GPC5: variants seen among roughly 807,000 people sequenced by gnomAD.
GPC5 encodes the protein glypican 5.
A neutral mutation model predicts 53.9 loss-of-function variants in GPC5; 47 were observed. That is an observed-to-expected ratio of 0.87 (90% CI 0.69 to 1.11). GPC5 has a LOEUF of 1.11. GPC5 is among the 50% of genes most tolerant of loss of function. GPC5 has a pLI of 0.00. For synonymous variants in GPC5, 286 were observed against 263.3 expected, an observed-to-expected ratio of 1.09 and a Z score of -0.84; for missense variants, 748 against 713.1, an observed-to-expected ratio of 1.05 and a Z score of -0.56.
chr13:92,763,984 G>A (rs1455559987), intron 7 of GPC5, among the ~76,000 whole-genome samples: 1 of 152,132 alleles, frequency 6.6e-6, no homozygotes, highest in East Asian at 1.9e-4. Context: ...ACTCTCAGTG[G>A]ACTAGCCCCC....
chr13:91,573,359 A>G (rs925788913), intron 2 of GPC5, among the ~76,000 whole-genome samples: 2 of 152,204 alleles, frequency 1.3e-5, no homozygotes, highest in Admixed American at 6.6e-5. Flanking sequence ...CATACATGCA[A>G]CTTGCTGAGA....
intron 7 of GPC5, chr13:92,721,685 G>A (rs1431750585): frequency 6.6e-6 from 1 of 152,002 alleles, no homozygotes; most frequent in Non-Finnish European, 1.5e-5. Context: ...AGGAACAAAA[G>A]GGGTGTGTAT....
At chr13:92,592,230 G>A (rs1029060000) in intron 7 of GPC5, among the ~76,000 whole-genome samples, 2 of 152,150 alleles carry the variant, frequency 1.3e-5, no homozygotes, top group Admixed American at 1.3e-4. Flanking sequence ...AATGGGAAGA[G>A]AAGATGTTCT....
At chr13:92,793,769 A>C (rs773187663) in intron 7 of GPC5, among the ~76,000 whole-genome samples, 1 of 152,192 alleles carries the variant, frequency 6.6e-6, no homozygotes, top group Non-Finnish European at 1.5e-5. Flanking sequence ...TATGTAAATA[A>C]ACTAGAAAAT....
At chr13:92,091,438 A>G (rs1410522648) in intron 6 of GPC5, among the ~76,000 whole-genome samples, 1 of 152,040 alleles carries the variant, frequency 6.6e-6, no homozygotes, top group African/African-American at 2.4e-5. Context: ...TATTCATTTT[A>G]TCAATGATTT....
At chr13:92,781,866 G>A (rs1217864805) in intron 7 of GPC5, among the ~76,000 whole-genome samples, 1 of 152,194 alleles carries the variant, frequency 6.6e-6, no homozygotes, top group African/African-American at 2.4e-5. Context: ...AAGTATCAGT[G>A]AGAAATCAAG....
At chr13:91,584,097 G>T (rs1427010939) in intron 2 of GPC5, among the ~76,000 whole-genome samples, 1 of 152,124 alleles carries the variant, frequency 6.6e-6, no homozygotes, top group South Asian at 2.1e-4. Flanking sequence ...GAAGGCCATT[G>T]GAAAACACAG....
intron 6 of GPC5, among the ~76,000 whole-genome samples, chr13:91,979,863 C>A (rs1171052084): frequency 5.9e-5 from 9 of 152,184 alleles, no homozygotes; most frequent in Admixed American, 4.6e-4. Flanking sequence ...TGATCAGAAA[C>A]ATCTATGCAT....
rs555596839 is a variant in GPC5 at position 92,411,288 on chromosome 13, A to C, written c.1561+266299A>C. Among the ~76,000 whole-genome samples the C allele has an allele frequency of 2.0e-5, 3 of 152,222 alleles. No individual in the cohort carries two copies. The East Asian group carries it at 5.8e-4, about 29-fold the overall frequency. On this transcript the variant is annotated intron_variant, in intron 7 of 7. Coordinates refer to ENST00000377067, the MANE Select transcript of GPC5 (RefSeq NM_004466.6). Reference sequence around the variant, plus strand: ...CTATCTCAAAAAGATAAAAAAAAAGAATGCTTACTTGAGATATGGATATTA... The same window carrying C: ...CTATCTCAAAAAGATAAAAAAAAAGCATGCTTACTTGAGATATGGATATTA...
intron 2 of GPC5, among the ~76,000 whole-genome samples, chr13:91,468,549 G>T (rs1882394597): frequency 6.6e-6 from 1 of 152,128 alleles, no homozygotes; most frequent in African/African-American, 2.4e-5. Context: ...GTCAGGGGTT[G>T]CCTGAGGTTA....
rs1594036603 is a variant in GPC5 at position 91,400,199 on chromosome 13, G to T, written c.163+990G>T. Among the ~76,000 whole-genome samples, 3 of 152,196 alleles carry T rather than the reference G, an allele frequency of 2.0e-5. No individual in the cohort carries two copies. In the East Asian group the frequency reaches 5.8e-4, roughly 29 times the overall value. On this transcript the variant is annotated intron_variant, in intron 1 of 7. Transcript: ENST00000377067. ...TCTGTGAGGTTACTGGTTGAACAAA[G>T]AACTTGTGGAGGACGCTTAAGTCTA...
chr13:92,356,332 C>G (rs775716465), intron 7 of GPC5, among the ~76,000 whole-genome samples: 1 of 152,176 alleles, frequency 6.6e-6, no homozygotes, highest in African/African-American at 2.4e-5. Flanking sequence ...ATTGTCGGCC[C>G]TATTAAGTTC....
At chr13:92,560,857 A>ATGTGTGTGTGTGTG (rs34114433) in intron 7 of GPC5, among the ~76,000 whole-genome samples, 264 of 139,248 alleles carry the variant, frequency 1.9e-3, no homozygotes, top group East Asian at 6.1e-3. Context: ...AGAAAATTAT[A>ATGTGTGTGTGTGTG]TGTGTGTGTG....
In GPC5 at chr13:91,611,961, C is replaced by T. The variant is rs116485351; in HGVS notation, c.326-81226C>T. Among the ~76,000 whole-genome samples the T allele has an allele frequency of 9.0e-4, 137 of 152,272 alleles. 1 individual carries two copies. The highest frequency in any genetic ancestry group is 3.0e-3 in the African/African-American group (123 of 41,544). ...GGGCCCCACCTGACCTCTTCTTCCG[C>T]GTTAATGGTTTCTGAGCTCTATCCA... is the stretch of plus-strand genomic sequence containing the variant. On this transcript the variant is annotated intron_variant, in intron 2 of 7. Transcript: ENST00000377067.
intron 3 of GPC5, among the ~76,000 whole-genome samples, chr13:91,696,409 CAGA>C (rs991820439): frequency 8.5e-5 from 13 of 152,150 alleles, no homozygotes; most frequent in Admixed American, 6.5e-4. Context: ...CTTATGGGAA[CAGA>C]AGAAGAAACT....
intron 7 of GPC5, among the ~76,000 whole-genome samples, chr13:92,253,252 A>G (rs1826076356): frequency 6.6e-6 from 1 of 152,104 alleles, no homozygotes; most frequent in Non-Finnish European, 1.5e-5. Context: ...TTTTAACCAG[A>G]CTAGACAACT....
intron 3 of GPC5, among the ~76,000 whole-genome samples, chr13:91,704,779 G>A (rs901628300): frequency 2.0e-5 from 3 of 152,130 alleles, no homozygotes; most frequent in Non-Finnish European, 2.9e-5. Flanking sequence ...GGATAGCCAG[G>A]GCCTCTGGCT....
At chr13:92,398,403 T>C (rs931446685) in intron 7 of GPC5, among the ~76,000 whole-genome samples, 4 of 115,604 alleles carry the variant, frequency 3.5e-5, no homozygotes. Flanking sequence ...CACTCCAGCC[T>C]GGGCGACAGA....
intron 2 of GPC5, among the ~76,000 whole-genome samples, chr13:91,519,728 A>T (rs1885703483): frequency 6.6e-6 from 1 of 152,198 alleles, no homozygotes. Flanking sequence ...TATACTCATT[A>T]AAGATAGGAG....
Sources: gnomAD v4.1 joint callset for allele counts (sites outside exome capture counted in the v4.1 genomes callset) on GRCh38, gnomAD v4.1.1 for gene constraint, MANE v1.5 for transcripts, NCBI Gene and HGNC (gene_info 2026-07-23, HGNC 2026-07-21) for gene names.